The following ADAMTS19 variants were observed in gnomAD, a reference collection of about 807,000 sequenced individuals.
The protein encoded by ADAMTS19 is A disintegrin and metalloproteinase with thrombospondin motifs 19.
In ADAMTS19, 93 loss-of-function variants were observed where a neutral mutation model predicts 153.3. The ratio of observed to expected loss-of-function variants is 0.61; its 90% CI spans 0.51 to 0.72. The LOEUF (loss-of-function observed/expected upper bound fraction) is 0.72. ADAMTS19 is among the 30% of genes least tolerant of loss of function. ADAMTS19 has a pLI of 0.00. For missense variants in ADAMTS19, 1,482 were observed against 1,552.1 expected (o/e 0.95, Z 0.76); for synonymous variants, 600 against 556.6 (o/e 1.08, Z -1.10).
intron 13 of ADAMTS19, among the ~76,000 whole-genome samples, chr5:129,651,385 CA>C (rs1221269062): frequency 1.3e-5 from 2 of 152,120 alleles, no homozygotes; most frequent in African/African-American, 4.8e-5. Context: ...ACTTGCTTTT[CA>C]GTTGCACAAA....
At chr5:129,725,722 C>T (rs550782328) in intron 21 of ADAMTS19, among the ~76,000 whole-genome samples, 1 of 152,010 alleles carries the variant, frequency 6.6e-6, no homozygotes, top group East Asian at 1.9e-4. Flanking sequence ...CCCACTTCTG[C>T]CCTGGTCATG....
intron 2 of ADAMTS19, among the ~76,000 whole-genome samples, chr5:129,474,888 A>G (rs1470271692): frequency 6.6e-6 from 1 of 152,138 alleles, no homozygotes; most frequent in East Asian, 1.9e-4. Flanking sequence ...AATATTTGTC[A>G]TCTTTGGTGA....
intron 2 of ADAMTS19, among the ~76,000 whole-genome samples, chr5:129,506,214 T>A (rs1751265252): frequency 1.3e-5 from 2 of 152,122 alleles, no homozygotes; most frequent in Admixed American, 1.3e-4. Flanking sequence ...GAATGACACA[T>A]ATTCATGCTA....
chr5:129,566,202 C>T (rs920788299), intron 7 of ADAMTS19, among the ~76,000 whole-genome samples: 6 of 152,032 alleles, frequency 3.9e-5, no homozygotes, highest in Non-Finnish European at 7.4e-5. Context: ...CAATCCTGTC[C>T]TCTAAGTAGT....
intron 13 of ADAMTS19, among the ~76,000 whole-genome samples, chr5:129,649,949 A>C (rs1182267654): frequency 6.6e-6 from 1 of 152,218 alleles, no homozygotes; most frequent in Non-Finnish European, 1.5e-5. Flanking sequence ...AGGCCAAGGC[A>C]AACAGATTGC....
intron 20 of ADAMTS19, among the ~76,000 whole-genome samples, chr5:129,703,968 T>C (rs1267225562): frequency 2.0e-5 from 3 of 152,232 alleles, no homozygotes; most frequent in African/African-American, 7.2e-5. Context: ...TTATTTATCT[T>C]TCTTAAATAA....
chr5:129,622,735 G>A (rs999047645), intron 10 of ADAMTS19, among the ~76,000 whole-genome samples: 1 of 152,042 alleles, frequency 6.6e-6, no homozygotes, highest in Non-Finnish European at 1.5e-5. Flanking sequence ...AGCTGCTAAA[G>A]TCCCTTATGA....
chr5:129,566,652 T>G (rs915662261), intron 7 of ADAMTS19, among the ~76,000 whole-genome samples: 9 of 152,160 alleles, frequency 5.9e-5, no homozygotes, highest in South Asian at 2.1e-4. Flanking sequence ...GCCCTCCCAT[T>G]CTGGATTAAG....
At chr5:129,722,462 T>G (rs1757044990) in intron 21 of ADAMTS19, among the ~76,000 whole-genome samples, 1 of 152,102 alleles carries the variant, frequency 6.6e-6, no homozygotes, top group African/African-American at 2.4e-5. Context: ...GTCTTCTAAA[T>G]TTGTTTAAAT....
chr5:129,647,225 A>AG (rs1442096308), intron 11 of ADAMTS19, among the ~76,000 whole-genome samples: 1 of 151,476 alleles, frequency 6.6e-6, no homozygotes, highest in Non-Finnish European at 1.5e-5. Context: ...AAAAAAAAAA[A>AG]AAAAAAAAAG....
chr5:129,465,702 A>G (rs373334687), intron 2 of ADAMTS19, among the ~76,000 whole-genome samples: 4 of 152,224 alleles, frequency 2.6e-5, no homozygotes, highest in East Asian at 3.8e-4. Flanking sequence ...GTAAAGAGAA[A>G]TAAACACATA....
At chr5:129,675,817 T>C (rs1218981597) in intron 16 of ADAMTS19, among the ~76,000 whole-genome samples, 2 of 152,098 alleles carry the variant, frequency 1.3e-5, no homozygotes, top group Non-Finnish European at 2.9e-5. Flanking sequence ...GGCAGATCAC[T>C]TGAGGTCAGG....
At chr5:129,469,376 C>A (rs1434918174) in intron 2 of ADAMTS19, among the ~76,000 whole-genome samples, 1 of 151,986 alleles carries the variant, frequency 6.6e-6, no homozygotes, top group Non-Finnish European at 1.5e-5. Flanking sequence ...ATAAGATTGG[C>A]ACAAATTATG....
chr5:129,621,950 G>C (rs1435054038), intron 9 of ADAMTS19, among the ~76,000 whole-genome samples: 1 of 152,096 alleles, frequency 6.6e-6, no homozygotes, highest in Non-Finnish European at 1.5e-5. Context: ...ATGTAGATCA[G>C]CTGAGTTAAT....
chr5:129,516,577 T>C (rs1751618144), intron 3 of ADAMTS19, among the ~76,000 whole-genome samples: 1 of 151,916 alleles, frequency 6.6e-6, no homozygotes, highest in Non-Finnish European at 1.5e-5. Context: ...TTCCAACTTA[T>C]TGGCATATAG....
At chr5:129,515,965 TC>T (rs1237077019) in intron 3 of ADAMTS19, among the ~76,000 whole-genome samples, 1 of 151,914 alleles carries the variant, frequency 6.6e-6, no homozygotes, top group Non-Finnish European at 1.5e-5. Flanking sequence ...GTTCCTTCTA[TC>T]CCCAGTTTTT....
intron 6 of ADAMTS19, among the ~76,000 whole-genome samples, chr5:129,540,819 T>G (rs1172001923): frequency 6.6e-6 from 1 of 151,996 alleles, no homozygotes; most frequent in Admixed American, 6.6e-5. Context: ...TAGGCAAAAT[T>G]TATTGGCCTT....
chr5:129,469,422 C>T (rs1489430654), intron 2 of ADAMTS19, among the ~76,000 whole-genome samples: 6 of 152,084 alleles, frequency 3.9e-5, no homozygotes. Flanking sequence ...AATTGGGGAA[C>T]ATTTAATCTT....
intron 7 of ADAMTS19, among the ~76,000 whole-genome samples, chr5:129,568,167 A>G (rs952484797): frequency 1.3e-5 from 2 of 152,224 alleles, no homozygotes; most frequent in Admixed American, 6.5e-5. Flanking sequence ...GGGAAATGAT[A>G]CTTAAAGGAA....
Sources: gnomAD v4.1 joint callset for allele counts (sites outside exome capture counted in the v4.1 genomes callset) on GRCh38, gnomAD v4.1.1 for gene constraint, MANE v1.5 for transcripts, NCBI Gene and HGNC (gene_info 2026-07-23, HGNC 2026-07-21) for gene names.